Variants in MGAT5 observed in about 807,000 individuals in gnomAD.
The protein encoded by MGAT5 is alpha-1,6-mannosylglycoprotein 6-beta-N-acetylglucosaminyltransferase.
MGAT5 carries 30 observed loss-of-function variants against 94.3 expected under a neutral mutation model. The observed-to-expected ratio is 0.32, with a 90% CI of 0.24 to 0.43. The LOEUF (loss-of-function observed/expected upper bound fraction) is 0.43. Ranked by LOEUF, MGAT5 falls within the 20% of genes least tolerant of loss-of-function variation. The pLI is 1.00. For missense variants in MGAT5, 691 were observed against 905.5 expected (o/e 0.76, Z 3.04); for synonymous variants, 310 against 322.9 (o/e 0.96, Z 0.43).
chr2:134,262,662 A>G lies in MGAT5; in HGVS notation c.242-7724A>G, dbSNP rs549310430. Among the ~76,000 whole-genome samples, 7 of 152,384 alleles carry G rather than the reference A, an allele frequency of 4.6e-5. 1 individual carries two copies. The South Asian group carries it at 1.4e-3, about 32-fold the overall frequency. On this transcript the variant is annotated intron_variant, in intron 1 of 15. Coordinates refer to ENST00000281923, the MANE Select transcript of MGAT5 (RefSeq NM_002410.5). ...CAGCCTTCCAAAGTGCTGGGATTAC[A>G]GGTGTGAGCCACTGTGCCCAACCAG...
At chr2:134,246,172 A>AG (rs1682249249) in intron 1 of MGAT5, among the ~76,000 whole-genome samples, 1 of 150,840 alleles carries the variant, frequency 6.6e-6, no homozygotes, top group South Asian at 2.1e-4. Context: ...GTTTATAAAA[A>AG]AAAAAAAAAA....
chr2:134,439,696 C>G (rs1456339546), intron 14 of MGAT5, among the ~76,000 whole-genome samples: 1 of 151,684 alleles, frequency 6.6e-6, no homozygotes, highest in Non-Finnish European at 1.5e-5. Flanking sequence ...GACTTCGTCT[C>G]AAAAATATAT....
intron 1 of MGAT5, among the ~76,000 whole-genome samples, chr2:134,221,264 G>A (rs1680754103): frequency 6.6e-6 from 1 of 152,334 alleles, no homozygotes; most frequent in African/African-American, 2.4e-5. Flanking sequence ...TTTAAGGAAT[G>A]CATTGGTTTG....
At chr2:134,181,080 C>A (rs1688711741) in intron 1 of MGAT5, among the ~76,000 whole-genome samples, 1 of 152,136 alleles carries the variant, frequency 6.6e-6, no homozygotes, top group Non-Finnish European at 1.5e-5. Flanking sequence ...TGAAGCCTTC[C>A]ACCCCAGAAG....
intron 14 of MGAT5, among the ~76,000 whole-genome samples, chr2:134,430,966 C>T (rs564771741): frequency 3.3e-5 from 5 of 152,262 alleles, no homozygotes; most frequent in Admixed American, 6.5e-5. Flanking sequence ...TGGCCCAGCC[C>T]GCCGAGGGAG....
At chr2:134,271,334 G>T (rs1684015806) in intron 2 of MGAT5, among the ~76,000 whole-genome samples, 1 of 152,256 alleles carries the variant, frequency 6.6e-6, no homozygotes, top group South Asian at 2.1e-4. Context: ...GGGGACCCAG[G>T]ACAAAGTGAA....
chr2:134,407,650 G>A (rs1366585444), intron 11 of MGAT5, among the ~76,000 whole-genome samples: 1 of 152,188 alleles, frequency 6.6e-6, no homozygotes, highest in Non-Finnish European at 1.5e-5. Context: ...CCATTCTAGA[G>A]ACAGTGATGA....
At chr2:134,141,773 C>A (rs1303158013) in intron 1 of MGAT5, among the ~76,000 whole-genome samples, 2 of 152,184 alleles carry the variant, frequency 1.3e-5, no homozygotes, top group Admixed American at 6.5e-5. Flanking sequence ...TCAACTCCAG[C>A]ATTGCTGGCA....
chr2:134,134,289 C>T (rs1481411873), intron 1 of MGAT5, among the ~76,000 whole-genome samples: 1 of 152,086 alleles, frequency 6.6e-6, no homozygotes, highest in African/African-American at 2.4e-5. Flanking sequence ...AAAGATTCTT[C>T]TGGGTGCTAG....
At chr2:134,283,223 C>T (rs768442961) in intron 2 of MGAT5, among the ~76,000 whole-genome samples, 2 of 152,128 alleles carry the variant, frequency 1.3e-5, no homozygotes, top group Non-Finnish European at 2.9e-5. Flanking sequence ...GAGGTTAAGT[C>T]TCAGTTCTCT....
chr2:134,397,671 C>A (rs187331466), intron 10 of MGAT5, among the ~76,000 whole-genome samples: 5 of 152,312 alleles, frequency 3.3e-5, no homozygotes, highest in Admixed American at 3.3e-4. Flanking sequence ...CAGCAGAGGG[C>A]AGCCTGGTTT....
chr2:134,266,697 A>G (rs560063740), intron 1 of MGAT5, among the ~76,000 whole-genome samples: 1 of 152,348 alleles, frequency 6.6e-6, no homozygotes, highest in Admixed American at 6.5e-5. Context: ...CACATGCTTA[A>G]TGTGCCTAGC....
intron 1 of MGAT5, among the ~76,000 whole-genome samples, chr2:134,124,062 C>G (rs1335052638): frequency 1.3e-5 from 2 of 152,212 alleles, no homozygotes; most frequent in Non-Finnish European, 2.9e-5. Flanking sequence ...CTGATGCTGG[C>G]TGCTGATGAG....
At chr2:134,446,992 C>T (rs1685819772) in intron 15 of MGAT5, among the ~76,000 whole-genome samples, 1 of 152,130 alleles carries the variant, frequency 6.6e-6, no homozygotes, top group Non-Finnish European at 1.5e-5. Context: ...GAGGAAGGCC[C>T]CAGGCAGCTG....
intron 10 of MGAT5, among the ~76,000 whole-genome samples, chr2:134,393,938 G>T (rs1001604264): frequency 6.6e-6 from 1 of 151,044 alleles, no homozygotes; most frequent in East Asian, 2.0e-4. Flanking sequence ...CTTATGTGTG[G>T]TGCATTGAAT....
chr2:134,441,640 T>C, intron 14 of MGAT5, 118 bp from the exon 15 acceptor site: 3 of 1,258,486 alleles, frequency 2.4e-6, no homozygotes, highest in South Asian at 2.9e-5. Flanking sequence ...GGCTCCCAAC[T>C]CTTCCCCGTC....
At chr2:134,225,496 T>C (rs1041051167) in intron 1 of MGAT5, among the ~76,000 whole-genome samples, 34 of 152,234 alleles carry the variant, frequency 2.2e-4, no homozygotes, top group Admixed American at 6.5e-4. Context: ...AAGTTCTGAT[T>C]TTCTATCATT....
chr2:134,176,716 A>G (rs561294385), intron 1 of MGAT5, among the ~76,000 whole-genome samples: 2 of 152,346 alleles, frequency 1.3e-5, no homozygotes, highest in Non-Finnish European at 2.9e-5. Context: ...GCAAATTGCT[A>G]TAAAAGTTTC....
intron 2 of MGAT5, among the ~76,000 whole-genome samples, chr2:134,298,018 T>A (rs571503523): frequency 6.6e-6 from 1 of 152,156 alleles, no homozygotes; most frequent in Non-Finnish European, 1.5e-5. Flanking sequence ...AAACCAGTTA[T>A]TTTCTTTTAG....
Sources: allele counts gnomAD v4.1 joint callset (sites outside exome capture counted in the v4.1 genomes callset), GRCh38; gene constraint gnomAD v4.1.1; transcripts MANE v1.5; gene names NCBI Gene and HGNC (gene_info 2026-07-23, HGNC 2026-07-21).